The following PCDHA6 variants were observed in gnomAD, a reference collection of about 807,000 sequenced individuals.
PCDHA6 encodes the protein protocadherin alpha-6.
In PCDHA6, 55 loss-of-function variants were observed where a neutral mutation model predicts 60.3. The ratio of observed to expected loss-of-function variants is 0.91; its 90% CI spans 0.73 to 1.14. The LOEUF is 1.14. PCDHA6 is among the 50% of genes most tolerant of loss of function. The pLI, the probability that PCDHA6 is intolerant of heterozygous loss-of-function variation, is 0.00. For missense variants in PCDHA6, 1,327 were observed against 1,256.5 expected, an observed-to-expected ratio of 1.06 and a Z score of -0.85; for synonymous variants, 652 against 557.9, an observed-to-expected ratio of 1.17 and a Z score of -2.38.
intron 1 of PCDHA6, among the ~76,000 whole-genome samples, chr5:140,933,543 A>C (rs888580290): frequency 6.6e-6 from 1 of 152,092 alleles, no homozygotes; most frequent in Non-Finnish European, 1.5e-5. Flanking sequence ...AATAATGTTA[A>C]TATAAAATAA....
chr5:140,853,171 G>A lies in PCDHA6; in HGVS notation c.2394+22686G>A, dbSNP rs2150529478. On this transcript the variant is annotated intron_variant, in intron 1 of 3. Coordinates refer to ENST00000529310, the MANE Select transcript of PCDHA6 (RefSeq NM_018909.4). ...TGGGATTACAGGCGTGAGCCACCGC[G>A]CCTGGCCTAAAATGTGTTCTTTATT... 22 of 965,136 alleles carry A rather than the reference G, an allele frequency of 2.3e-5. 1 individual carries two copies. Among genetic ancestry groups the A allele is most frequent in the Non-Finnish European group, 2.4e-5 (19 of 799,766 alleles). 59.8% of individuals were successfully genotyped at this position (965,136 alleles called of 1,614,324 possible).
intron 1 of PCDHA6, among the ~76,000 whole-genome samples, chr5:140,940,086 A>G (rs373629874): frequency 6.6e-6 from 1 of 152,214 alleles, no homozygotes; most frequent in African/African-American, 2.4e-5. Flanking sequence ...TTTCTGCTAA[A>G]TTGAAACTTT....
At chr5:140,865,343 A>T (rs1386264377) in intron 1 of PCDHA6, 1 of 152,216 alleles carries the variant, frequency 6.6e-6, no homozygotes, top group Non-Finnish European at 1.5e-5. Flanking sequence ...AAGAAATAGT[A>T]TATTTACATA....
chr5:140,850,992 G>T, intron 1 of PCDHA6: 1 of 1,444,816 alleles, frequency 6.9e-7, no homozygotes, highest in Non-Finnish European at 9.2e-7. Context: ...CATTTTTCTA[G>T]AAATCCAGCA....
intron 1 of PCDHA6, chr5:140,862,620 G>A (rs2047455093): frequency 1.9e-6 from 1 of 528,384 alleles, no homozygotes. Context: ...GTAACAACCC[G>A]CGGGGCTGCC....
intron 1 of PCDHA6, among the ~76,000 whole-genome samples, chr5:140,925,792 T>C (rs918762181): frequency 6.6e-6 from 1 of 152,170 alleles, no homozygotes. Flanking sequence ...AGTATCTCAG[T>C]ACTTTCCCCT....
At chr5:140,978,914 C>T (rs2096828574) in intron 1 of PCDHA6, 35 bp from the exon 2 acceptor site, 5 of 1,613,852 alleles carry the variant, frequency 3.1e-6, no homozygotes, top group Non-Finnish European at 3.4e-6. Flanking sequence ...ATTGTCTTGT[C>T]ATTTTAACAG....
intron 1 of PCDHA6, among the ~76,000 whole-genome samples, chr5:140,924,224 T>A (rs1266072324): frequency 6.6e-6 from 1 of 152,220 alleles, no homozygotes; most frequent in Non-Finnish European, 1.5e-5. Context: ...TAAGTTCAAT[T>A]TTTATGGGCT....
intron 1 of PCDHA6, chr5:140,870,150 C>T (rs2051709522): frequency 6.2e-7 from 1 of 1,614,098 alleles, no homozygotes; most frequent in Non-Finnish European, 8.5e-7. Context: ...CTCCTGAAGT[C>T]GCCGTGACTT....
intron 1 of PCDHA6, chr5:140,865,406 G>A (rs899888055): frequency 4.6e-5 from 7 of 152,130 alleles, no homozygotes; most frequent in African/African-American, 1.4e-4. Flanking sequence ...ATGCTGAAAA[G>A]GAATTAGTAG....
chr5:140,836,910 T>G (rs1390319466), intron 1 of PCDHA6: 1 of 576,424 alleles, frequency 1.7e-6, no homozygotes, highest in African/African-American at 1.9e-5. Context: ...TAATATACAC[T>G]TTTGTTTTGG....
intron 1 of PCDHA6, chr5:140,834,143 T>C: frequency 1.9e-6 from 1 of 514,248 alleles, no homozygotes. Flanking sequence ...GATTAATAGT[T>C]TGTAATGGTT....
At position 140,845,310 on chromosome 5, in the gene PCDHA6, CAG is replaced by C. The variant is rs2150378304; in HGVS notation, c.2394+14826_2394+14827del. On this transcript the variant is annotated intron_variant, in intron 1 of 3. Transcript: ENST00000529310. ...ATCCTGTCTATGTCTACCTGGTTCT[CAG>C]GTATTACTTTAATTACTGAATTCTC... Among the ~76,000 whole-genome samples the C allele has an allele frequency of 4.5e-4, 68 of 149,506 alleles. 3 individuals carry two copies. The highest frequency in any genetic ancestry group is 6.9e-3 in the Middle Eastern group (2 of 290).
rs538677309 is a variant in PCDHA6, at chr5:140,927,177, G to T, written c.2395-51772G>T. ...GCAGGGCCAAAGCTGCCTGCGTCTT[G>T]ACCTACGACCTGGTGCTCGAGGACC... On this transcript the variant is annotated intron_variant, in intron 1 of 3. Coordinates refer to ENST00000529310, the MANE Select transcript of PCDHA6 (RefSeq NM_018909.4). 78 of 1,614,148 alleles carry T rather than the reference G, an allele frequency of 4.8e-5. 3 individuals carry two copies. In the East Asian group the frequency reaches 6.7e-4, roughly 14 times the overall value.
intron 3 of PCDHA6, among the ~76,000 whole-genome samples, chr5:140,993,449 CCTT>C (rs1214858534): frequency 1.4e-5 from 2 of 144,318 alleles, no homozygotes; most frequent in Non-Finnish European, 1.5e-5. Flanking sequence ...TTCCTGTTCT[CCTT>C]CTTTCTTTCT....
At chr5:140,966,756 G>A (rs1476318654) in intron 1 of PCDHA6, 9 of 1,437,232 alleles carry the variant, frequency 6.3e-6, no homozygotes, top group Non-Finnish European at 8.2e-6. Flanking sequence ...CCTCCGCCGC[G>A]GCCAGTGGCT....
In PCDHA6 at chr5:140,870,903, A is replaced by C. The variant is rs182770106; in HGVS notation, c.2394+40418A>C. On this transcript the variant is annotated intron_variant, in intron 1 of 3. Transcript: ENST00000529310. ...AGGTGCGCGCAGTGGATGCGGACTCAGGCTACAACGCGTGGCTTTCATATG... is the reference window on the plus strand; with the variant it reads ...AGGTGCGCGCAGTGGATGCGGACTCCGGCTACAACGCGTGGCTTTCATATG... 3.9e-4 allele frequency: 622 copies of C among 1,613,930 alleles called. 2 individuals carry two copies. The highest frequency in any genetic ancestry group is 2.8e-3 in the Middle Eastern group (17 of 6,060).
chr5:140,921,705 G>C (rs2080339656), intron 1 of PCDHA6, among the ~76,000 whole-genome samples: 1 of 152,042 alleles, frequency 6.6e-6, no homozygotes, highest in Non-Finnish European at 1.5e-5. Context: ...ATTTTAAACA[G>C]TAAACACACG....
intron 1 of PCDHA6, chr5:140,969,386 C>G (rs782109093): frequency 6.3e-7 from 1 of 1,596,966 alleles, no homozygotes; most frequent in South Asian, 1.1e-5. Flanking sequence ...TACACATCCC[C>G]CAATATCCTG....
Sources: gnomAD v4.1 joint callset for allele counts (sites outside exome capture counted in the v4.1 genomes callset) on GRCh38, gnomAD v4.1.1 for gene constraint, MANE v1.5 for transcripts, NCBI Gene and HGNC (gene_info 2026-07-23, HGNC 2026-07-21) for gene names.